UBE2G2: variants seen among roughly 807,000 people sequenced by gnomAD.
UBE2G2 encodes the protein ubiquitin conjugating enzyme E2 G2.
UBE2G2 carries 10 observed loss-of-function variants against 23.0 expected under a neutral mutation model. The observed-to-expected ratio is 0.43, with a 90% confidence interval of 0.27 to 0.74. UBE2G2 has a LOEUF of 0.74. UBE2G2 is among the 30% of genes least tolerant of loss of function. The probability of loss-of-function intolerance (pLI) is 0.19; values close to 1 mark genes in which losing one functional copy is unlikely to be tolerated. For missense variants in UBE2G2, 150 were observed against 218.3 expected (o/e 0.69, Z 1.97); for synonymous variants, 86 against 81.3 (o/e 1.06, Z -0.31).
At chr21:44,783,200 C>G (rs1247975135) in intron 3 of UBE2G2, among the ~76,000 whole-genome samples, 1 of 152,160 alleles carries the variant, frequency 6.6e-6, no homozygotes, top group African/African-American at 2.4e-5. Flanking sequence ...CAAGGAAATC[C>G]AAGTCAAATC....
intron 4 of UBE2G2, among the ~76,000 whole-genome samples, chr21:44,775,941 C>T (rs1304809262): frequency 6.6e-6 from 1 of 152,204 alleles, no homozygotes; most frequent in Admixed American, 6.5e-5. Flanking sequence ...TTCTGAGCAT[C>T]CCCTGTGCAC....
In UBE2G2 at chr21:44,777,371, G is replaced by A; in HGVS notation, c.172C>T (p.Leu58=). 1 of 1,614,062 alleles carries A rather than the reference G, an allele frequency of 6.2e-7. No homozygotes were observed. The highest frequency in any genetic ancestry group is 8.5e-7 in the Non-Finnish European group (1 of 1,180,008). The part of the protein sequence containing the change: ...CFEFGVFPAI[L]SFPLDYPLSP... Reference sequence around the variant, plus strand: ...AACGGGTAATCAAGTGGGAAACTCAGGATGGCAGGAAAAACACCAAACTCA... The same window carrying A: ...AACGGGTAATCAAGTGGGAAACTCAAGATGGCAGGAAAAACACCAAACTCA... Residue 58 remains leucine, a synonymous_variant, in exon 4 of 6, where the codon CTG becomes TTG. Transcript: ENST00000345496.
At chr21:44,774,955 C>A (rs559023371) in intron 4 of UBE2G2, 1 of 331,260 alleles carries the variant, frequency 3.0e-6, no homozygotes, top group Non-Finnish European at 5.9e-6. Context: ...ACATTTAGTT[C>A]CCAAGTTGCC....
chr21:44,796,968 G>C (rs1438045008), intron 1 of UBE2G2, among the ~76,000 whole-genome samples: 1 of 152,150 alleles, frequency 6.6e-6, no homozygotes, highest in African/African-American at 2.4e-5. Context: ...CTGCTTTTGA[G>C]CCTTATGTTA....
intron 5 of UBE2G2, 121 bp downstream of exon 5, chr21:44,773,426 G>T: frequency 7.9e-7 from 1 of 1,264,074 alleles, no homozygotes; most frequent in Non-Finnish European, 1.1e-6. Context: ...AATGGCAATA[G>T]CATGTGTAAA....
In UBE2G2 at chr21:44,774,024, T is replaced by A. The variant is rs547264937; in HGVS notation, c.245-337A>T. ...GCAAATATTTTATCAAAATATCTAA[T>A]GTGATTAGGATTATTTACAATACTT... On this transcript the variant is annotated intron_variant, in intron 4 of 5. Coordinates refer to ENST00000345496, the MANE Select transcript of UBE2G2 (RefSeq NM_003343.6). 9 of 219,652 alleles carry A rather than the reference T, an allele frequency of 4.1e-5. No homozygotes were observed. In the South Asian group the frequency reaches 5.8e-4, roughly 14 times the overall value. 13.6% of individuals were successfully genotyped at this position (219,652 alleles called of 1,614,324 possible).
chr21:44,787,635 T>C (rs1210731381), intron 3 of UBE2G2, among the ~76,000 whole-genome samples: 2 of 152,202 alleles, frequency 1.3e-5, no homozygotes, highest in African/African-American at 2.4e-5. Flanking sequence ...ACCACGATCA[T>C]ACAACATTCC....
chr21:44,770,105 C>G lies in UBE2G2; in HGVS notation c.*1272G>C, dbSNP rs2082861671. 6.6e-6 allele frequency: 1 copy of G among 152,202 alleles called. No homozygotes were observed. Among genetic ancestry groups the G allele is most frequent in the South Asian group, 2.1e-4 (1 of 4,828 alleles). The allele number at this position is 152,202 out of a possible 1,614,324, so 9.4% of individuals were successfully genotyped here. A position where few individuals can be genotyped will look rare whatever the true frequency, so the allele number is the denominator to read the frequency against. ...CACATGCCCACCTCCACAGCCCAGT[C>G]AAGTGTGGGGATAAGGCACTCCTCT... is the stretch of plus-strand genomic sequence containing the variant. On this transcript the variant is annotated 3_prime_UTR_variant, in exon 6 of 6. Transcript: ENST00000345496.
chr21:44,801,546 G>A, intron 1 of UBE2G2, 160 bp downstream of exon 1: 2 of 1,159,878 alleles, frequency 1.7e-6, no homozygotes, highest in Non-Finnish European at 1.1e-6. Flanking sequence ...GTGGGCAGCG[G>A]GCGCAGGGCG....
rs1018717411 is a variant in UBE2G2 at position 44,768,592 on chromosome 21, G to C, written c.*2785C>G. ...CAGAAACAGCAAATCACTGACACAG[G>C]AATCTGCCTCTTTATTGACATGCTA... On this transcript the variant is annotated 3_prime_UTR_variant, in exon 6 of 6. Coordinates refer to ENST00000345496, the MANE Select transcript of UBE2G2 (RefSeq NM_003343.6). 5 of 152,272 alleles carry C rather than the reference G, an allele frequency of 3.3e-5. No homozygotes were observed. The highest frequency in any genetic ancestry group is 1.2e-4 in the African/African-American group (5 of 41,456). 9.4% of individuals were successfully genotyped at this position (152,272 alleles called of 1,614,324 possible).
chr21:44,786,419 G>A (rs1422427134), intron 3 of UBE2G2, among the ~76,000 whole-genome samples: 1 of 152,052 alleles, frequency 6.6e-6, no homozygotes, highest in Non-Finnish European at 1.5e-5. Flanking sequence ...GAAAAAACAT[G>A]TGCCATAGGC....
At chr21:44,780,536 TA>T (rs1555961199) in intron 3 of UBE2G2, among the ~76,000 whole-genome samples, 1 of 152,212 alleles carries the variant, frequency 6.6e-6, no homozygotes, top group African/African-American at 2.4e-5. Context: ...AATCATGACC[TA>T]AACTCTTTCG....
In UBE2G2 at chr21:44,771,353, T is replaced by C. The variant is rs782212046; in HGVS notation, c.*24A>G. 69 of 1,603,278 alleles carry C rather than the reference T, an allele frequency of 4.3e-5. No individual in the cohort carries two copies. Among genetic ancestry groups the C allele is most frequent in the Non-Finnish European group, 5.6e-5 (66 of 1,172,844 alleles). Reference sequence around the variant, plus strand: ...GAATGCTGAGCTGCTTGGCGGTGTGTGCGCGCCTGTGCGAGGCCAGGTCTC... The same window carrying C: ...GAATGCTGAGCTGCTTGGCGGTGTGCGCGCGCCTGTGCGAGGCCAGGTCTC... On this transcript the variant is annotated 3_prime_UTR_variant, in exon 6 of 6. Transcript: ENST00000345496. This position sits in a 1 kb window ranked among gnomAD's most constrained non-coding sequence, Gnocchi z 4.6.
At chr21:44,773,501 A>T (rs1555960166) in intron 5 of UBE2G2, 46 bp downstream of exon 5, 2 of 1,581,450 alleles carry the variant, frequency 1.3e-6, no homozygotes, top group Admixed American at 3.4e-5. Context: ...GAACACCTGC[A>T]GCCTGGGTGT....
rs2082865192 is a variant in UBE2G2, at chr21:44,770,558, C to G, written c.*819G>C. On this transcript the variant is annotated 3_prime_UTR_variant, in exon 6 of 6. Transcript: ENST00000345496. ...TCAGCCTCCTGAGTAGCTGAGACTACAGGCGTGCACCACCACGCCCAGCTA... is the reference window on the plus strand; with the variant it reads ...TCAGCCTCCTGAGTAGCTGAGACTAGAGGCGTGCACCACCACGCCCAGCTA... The G allele has an allele frequency of 6.6e-6, 1 of 152,238 alleles. No homozygotes were observed. The highest frequency in any genetic ancestry group is 6.5e-5 in the Admixed American group (1 of 15,286). The allele number at this position is 152,238 out of a possible 1,614,324, so 9.4% of individuals were successfully genotyped here. A position where few individuals can be genotyped will look rare whatever the true frequency, so the allele number is the denominator to read the frequency against.
intron 3 of UBE2G2, among the ~76,000 whole-genome samples, chr21:44,781,116 A>G (rs2082952926): frequency 6.6e-6 from 1 of 152,244 alleles, no homozygotes; most frequent in Non-Finnish European, 1.5e-5. Flanking sequence ...TGTGATAAAG[A>G]ATTAAAATCA....
At position 44,801,735 on chromosome 21, in the gene UBE2G2, G is replaced by C. The variant is rs1555964882; in HGVS notation, c.14C>G (p.Ala5Gly). 6.6e-7 allele frequency: 1 copy of C among 1,520,956 alleles called. No homozygotes were observed. Among genetic ancestry groups the C allele is most frequent in the East Asian group, 2.7e-5 (1 of 36,498 alleles). 94.2% of individuals were successfully genotyped at this position (1,520,956 alleles called of 1,614,324 possible). A position where few individuals can be genotyped will look rare whatever the true frequency, so the allele number is the denominator to read the frequency against. The change falls in exon 1 of 6, where the codon GCG becomes GGG. Residue 5 changes from alanine to glycine, a missense_variant. Transcript: ENST00000345496. The stretch of plus-strand genomic sequence containing the variant: ...GTACTCGGCCATCAGCCTCTTGAGC[G>C]CGGTCCCCGCCATGGCCCCGCAACA... MAGT[A>G]LKRLMAEYKQ...
chr21:44,793,762 C>T (rs1555963269), intron 1 of UBE2G2, among the ~76,000 whole-genome samples: 3 of 152,180 alleles, frequency 2.0e-5, no homozygotes, highest in African/African-American at 7.2e-5. Flanking sequence ...GAAATATAAC[C>T]TTTGACCCAG....
Position 44,771,503 on chromosome 21 carries a change from G to C in UBE2G2, c.386-14C>G. 4 of 1,608,488 alleles carry C rather than the reference G, an allele frequency of 2.5e-6. No individual in the cohort carries two copies. The highest frequency in any genetic ancestry group is 3.4e-6 in the Non-Finnish European group (4 of 1,179,564). On this transcript the variant is annotated splice_polypyrimidine_tract_variant and intron_variant, in intron 5 of 5. Coordinates refer to ENST00000345496, the MANE Select transcript of UBE2G2 (RefSeq NM_003343.6). The surrounding 1 kb of genome is among the most constrained non-coding windows in gnomAD (Gnocchi z 4.6). ...CGTCATTGGGCTCTGAAAGAAAAGG[G>C]AACACCCTCCATGTAAAAGGGAGTC...
Sources: gnomAD v4.1 joint callset for allele counts (sites outside exome capture counted in the v4.1 genomes callset) on GRCh38, gnomAD v4.1.1 for gene constraint, Gnocchi (gnomAD v3.1) non-coding constraint, MANE v1.5 for transcripts, NCBI Gene and HGNC (gene_info 2026-07-23, HGNC 2026-07-21) for gene names.